The following PAK3 variants were observed in gnomAD, a reference collection of about 807,000 sequenced individuals.
PAK3 encodes p21 (RAC1) activated kinase 3, also known as serine/threonine-protein kinase PAK 3.
PAK3 carries 4 observed loss-of-function variants against 41.0 expected under a neutral mutation model. That is an observed-to-expected ratio of 0.10 (90% confidence interval 0.05 to 0.22). The LOEUF (loss-of-function observed/expected upper bound fraction) is 0.22, where lower values mean the gene tolerates loss of function less well. Among genes scored for constraint, PAK3 ranks in the 10% least tolerant of loss-of-function variants. PAK3 has a pLI of 1.00. For synonymous variants in PAK3, 146 were observed against 139.6 expected (o/e 1.05, Z -0.32); for missense variants, 205 against 409.9 (o/e 0.50, Z 4.32).
intron 4 of PAK3, among the ~76,000 whole-genome samples, chrX:111,105,205 A>G (rs2093231668): frequency 9.0e-6 from 1 of 111,408 alleles, no homozygotes; most frequent in African/African-American, 3.3e-5. Context: ...GATGCACACA[A>G]CACACTTACC....
At chrX:111,154,116 A>C (rs1262333195) in intron 8 of PAK3, among the ~76,000 whole-genome samples, 2 of 111,635 alleles carry the variant, frequency 1.8e-5, no homozygotes, top group African/African-American at 6.5e-5. Context: ...CAGAAAGTAG[A>C]ATACTAGTTG....
intron 1 of PAK3, among the ~76,000 whole-genome samples, chrX:110,945,987 A>G (rs1242097015): frequency 8.9e-6 from 1 of 111,959 alleles, no homozygotes; most frequent in Non-Finnish European, 1.9e-5. Flanking sequence ...AATGAATAAA[A>G]CATCATCTCA....
chrX:110,992,683 A>G (rs1249235651), intron 1 of PAK3, among the ~76,000 whole-genome samples: 1 of 110,710 alleles, frequency 9.0e-6, no homozygotes, highest in Non-Finnish European at 1.9e-5. Flanking sequence ...GCATCTGTTC[A>G]TTCCGCCTCG....
chrX:110,990,732 A>G (rs2091628118), intron 1 of PAK3, among the ~76,000 whole-genome samples: 1 of 111,192 alleles, frequency 9.0e-6, no homozygotes, highest in South Asian at 3.9e-4. Context: ...GGTCTAATCT[A>G]CATGGACAGA....
intron 11 of PAK3, among the ~76,000 whole-genome samples, chrX:111,179,130 C>CA (rs1309135520): frequency 9.2e-6 from 1 of 108,553 alleles, no homozygotes; most frequent in Non-Finnish European, 1.9e-5. Flanking sequence ...TTTCTACTCT[C>CA]ATATTTCACG....
At position 111,220,411 on chromosome X, in the gene PAK3, C is replaced by T. The variant is rs2094919229; in HGVS notation, c.1599C>T (p.Ile533=). Residue 533 remains isoleucine (I), a synonymous_variant, in exon 18 of 18, where the codon ATC becomes ATT. Transcript: ENST00000372007. ...TCTCCAGCCTGACTCCTCTGATTAT[C>T]GCTGCAAAGGAAGCAATTAAGAACA... The part of the protein sequence containing the change: ...KPLSSLTPLI[I]AAKEAIKNSS... 7 of 1,201,290 alleles carry T rather than the reference C, an allele frequency of 5.8e-6. No homozygotes were observed. Among genetic ancestry groups the T allele is most frequent in the African/African-American group, 3.5e-5 (2 of 56,805 alleles).
chrX:111,020,589 T>A (rs1413477000), intron 1 of PAK3, among the ~76,000 whole-genome samples: 1 of 111,126 alleles, frequency 9.0e-6, no homozygotes, highest in Non-Finnish European at 1.9e-5. Flanking sequence ...ATAGAGACTC[T>A]CATCATGAAC....
chrX:111,044,850 A>G (rs1233565905), intron 1 of PAK3, among the ~76,000 whole-genome samples: 1 of 112,439 alleles, frequency 8.9e-6, no homozygotes, highest in Admixed American at 9.4e-5. Flanking sequence ...AAAACCTGAC[A>G]TTTTGGAATT....
At chrX:110,972,933 C>T (rs2091242997) in intron 1 of PAK3, among the ~76,000 whole-genome samples, 1 of 111,253 alleles carries the variant, frequency 9.0e-6, no homozygotes. Context: ...GCTTCAATAG[C>T]CGATTCGATC....
intron 4 of PAK3, among the ~76,000 whole-genome samples, chrX:111,104,090 G>A (rs1265270601): frequency 1.8e-5 from 2 of 111,836 alleles, no homozygotes; most frequent in Admixed American, 1.9e-4. Context: ...CTCTTCCTCT[G>A]CATTTCTTTC....
chrX:111,061,672 C>T (rs766161494), intron 1 of PAK3, among the ~76,000 whole-genome samples: 2 of 111,696 alleles, frequency 1.8e-5, no homozygotes, highest in East Asian at 2.8e-4. Context: ...AAACTTTAAC[C>T]ATTTTTGGTC....
chrX:111,036,093 C>A (rs1317118457), intron 1 of PAK3, among the ~76,000 whole-genome samples: 1 of 112,145 alleles, frequency 8.9e-6, no homozygotes, highest in Non-Finnish European at 1.9e-5. Flanking sequence ...CTCTAGGCAG[C>A]CATTTCCTGA....
chrX:110,970,391 C>T, intron 1 of PAK3, among the ~76,000 whole-genome samples: 1 of 111,939 alleles, frequency 8.9e-6, no homozygotes, highest in Non-Finnish European at 1.9e-5. Flanking sequence ...GTTTCTTTGG[C>T]TGAACAGAAG....
intron 1 of PAK3, among the ~76,000 whole-genome samples, chrX:111,027,376 A>G (rs772712506): frequency 8.0e-5 from 9 of 112,440 alleles, no homozygotes; most frequent in Non-Finnish European, 1.3e-4. Flanking sequence ...CAGAGTTAAC[A>G]GACAACCCAC....
chrX:111,021,994 A>C (rs1307940035), intron 1 of PAK3, among the ~76,000 whole-genome samples: 1 of 111,936 alleles, frequency 8.9e-6, no homozygotes, highest in Admixed American at 9.5e-5. Flanking sequence ...AAGAATTTTT[A>C]AAAATGAACA....
At position 111,223,744 on chromosome X, in the gene PAK3, G is replaced by A. The variant is rs938131839; in HGVS notation, c.*3297G>A. 4.8e-4 allele frequency: 53 copies of A among 111,141 alleles called. No homozygotes were observed. Among genetic ancestry groups the A allele is most frequent in the African/African-American group, 1.5e-3 (46 of 30,526 alleles). The allele number at this position is 111,141 out of a possible 1,213,427, so 9.2% of individuals were successfully genotyped here. A position where few individuals can be genotyped will look rare whatever the true frequency, so the allele number is the denominator to read the frequency against. ...AATGATATTTCTCAGCTCAAAGATC[G>A]TGTAAATAATTATATTCCTTTGCTC... On this transcript the variant is annotated 3_prime_UTR_variant, in exon 18 of 18. Coordinates refer to ENST00000372007, the MANE Select transcript of PAK3 (RefSeq NM_002578.5).
Position 111,225,727 on chromosome X carries a change from G to A in PAK3, c.*5280G>A, listed in dbSNP as rs2149414965. The A allele has an allele frequency of 8.9e-6, 1 of 112,145 alleles. No homozygotes were observed. Among genetic ancestry groups the A allele is most frequent in the East Asian group, 2.8e-4 (1 of 3,556 alleles). The allele number at this position is 112,145 out of a possible 1,213,427, so 9.2% of individuals were successfully genotyped here. A position where few individuals can be genotyped will look rare whatever the true frequency, so the allele number is the denominator to read the frequency against. The stretch of plus-strand genomic sequence containing the variant: ...TCTGTAAAATAAGTGTATTGGACTA[G>A]ATGATCCTTAGGGTCTTTCCAAAAG... On this transcript the variant is annotated 3_prime_UTR_variant, in exon 18 of 18. Transcript: ENST00000372007.
intron 1 of PAK3, among the ~76,000 whole-genome samples, chrX:111,060,480 G>A (rs992249044): frequency 1.8e-5 from 2 of 111,582 alleles, no homozygotes; most frequent in African/African-American, 3.3e-5. Flanking sequence ...TTCTGGTTTT[G>A]GAGGAGTTTG....
At chrX:111,145,490 G>A (rs768723697) in intron 6 of PAK3, among the ~76,000 whole-genome samples, 1 of 111,918 alleles carries the variant, frequency 8.9e-6, no homozygotes, top group East Asian at 2.8e-4. Flanking sequence ...ACCTCAATTT[G>A]TAACACTTAA....
Sources: allele counts gnomAD v4.1 joint callset (sites outside exome capture counted in the v4.1 genomes callset), GRCh38; gene constraint gnomAD v4.1.1; transcripts MANE v1.5; gene names NCBI Gene and HGNC (gene_info 2026-07-23, HGNC 2026-07-21).